Variants in CD160 observed in about 807,000 individuals in gnomAD.
The protein encoded by CD160 is CD160 molecule.
A neutral mutation model predicts 19.2 loss-of-function variants in CD160; 11 were observed. The ratio of observed to expected loss-of-function variants is 0.57; its 90% CI spans 0.36 to 0.95. The LOEUF is 0.95. CD160 is among the 40% of genes least tolerant of loss of function. The pLI, the probability that CD160 is intolerant of heterozygous loss-of-function variation, is 0.01. For missense variants in CD160, 182 were observed against 213.2 expected, an observed-to-expected ratio of 0.85 and a Z score of 0.91; for synonymous variants, 75 against 81.1, an observed-to-expected ratio of 0.93 and a Z score of 0.40.
intron 4 of CD160, among the ~76,000 whole-genome samples, chr1:145,731,621 G>A (rs1036884818): frequency 1.3e-5 from 2 of 152,180 alleles, no homozygotes; most frequent in Non-Finnish European, 2.9e-5. Flanking sequence ...AGTGAGCCGA[G>A]ATTGTGCCAT....
chr1:145,729,283 G>A (rs1029399120), intron 3 of CD160, among the ~76,000 whole-genome samples: 1 of 152,052 alleles, frequency 6.6e-6, no homozygotes, highest in Non-Finnish European at 1.5e-5. Context: ...CCTCTTCACC[G>A]TTTTCATGAG....
In CD160 at chr1:145,730,941, A is replaced by G. The variant is rs2231373; in HGVS notation, c.271A>G (p.Ile91Val). 142 of 1,614,088 alleles carry G rather than the reference A, an allele frequency of 8.8e-5. No individual in the cohort carries two copies. In the African/African-American group the frequency reaches 1.6e-3, roughly 18 times the overall value. Residue 91 changes from isoleucine (I) to valine (V), a missense_variant, in exon 4 of 6, where the codon ATA (isoleucine) becomes GTA (valine). Physicochemically the swap from Ile to Val is conservative, Grantham distance 29. Coordinates refer to ENST00000369288, the MANE Select transcript of CD160 (RefSeq NM_007053.4). ...TCCTGGGATAGATGGTGTTGGTGAA[A>G]TATCATCTCAGTTGATGTTCACCAT... ...RDPGIDGVGE[I>V]SSQLMFTISQ... is the part of the protein sequence containing the mutation.
chr1:145,720,292 C>A (rs1238552098), intron 1 of CD160, among the ~76,000 whole-genome samples: 1 of 152,152 alleles, frequency 6.6e-6, no homozygotes, highest in African/African-American at 2.4e-5. Flanking sequence ...ATAATTTGTT[C>A]CCTTTATTAT....
At chr1:145,731,169 C>T (rs1174670086) in intron 4 of CD160, 99 bp downstream of exon 4, 2 of 895,188 alleles carry the variant, frequency 2.2e-6, no homozygotes, top group Admixed American at 4.4e-5. Context: ...AAGGCAGTTT[C>T]CTTCTTCCTC....
chr1:145,730,602 A>T (rs1657248298), intron 3 of CD160, 142 bp from the exon 4 acceptor site: 1 of 651,136 alleles, frequency 1.5e-6, no homozygotes, highest in Non-Finnish European at 2.6e-6. Context: ...ATAGAGCTGG[A>T]ATTTGTATTT....
chr1:145,724,018 T>TA (rs1316646814), intron 1 of CD160, among the ~76,000 whole-genome samples: 1 of 152,194 alleles, frequency 6.6e-6, no homozygotes, highest in Non-Finnish European at 1.5e-5. Context: ...TGTTAATATA[T>TA]AATGAGTATT....
chr1:145,733,860 AGCATCTCCC>A (rs1161791203), intron 4 of CD160, among the ~76,000 whole-genome samples: 1 of 152,160 alleles, frequency 6.6e-6, no homozygotes, highest in African/African-American at 2.4e-5. Context: ...GATTTAAACC[AGCATCTCCC>A]TGCAACTGAC....
intron 2 of CD160, among the ~76,000 whole-genome samples, chr1:145,726,570 G>A (rs782266391): frequency 1.3e-5 from 2 of 152,130 alleles, no homozygotes; most frequent in Non-Finnish European, 2.9e-5. Flanking sequence ...ATCACACACC[G>A]ATGACGTTCC....
intron 3 of CD160, among the ~76,000 whole-genome samples, chr1:145,730,416 C>T (rs1352064520): frequency 6.6e-6 from 1 of 152,152 alleles, no homozygotes; most frequent in Non-Finnish European, 1.5e-5. Context: ...CCTCATAGCC[C>T]CAGCAGGGCT....
intron 3 of CD160, among the ~76,000 whole-genome samples, chr1:145,729,954 C>T (rs1657219148): frequency 6.6e-6 from 1 of 152,210 alleles, no homozygotes; most frequent in African/African-American, 2.4e-5. Context: ...TCAGGAATCT[C>T]TAAGATTCCT....
intron 4 of CD160, 65 bp downstream of exon 4, chr1:145,731,135 T>C: frequency 7.8e-7 from 1 of 1,289,654 alleles, no homozygotes; most frequent in East Asian, 2.3e-5. Context: ...AGTGGAGATG[T>C]AACCAGATAG....
chr1:145,736,231 T>C, intron 5 of CD160, 97 bp downstream of exon 5: 4 of 1,585,776 alleles, frequency 2.5e-6, no homozygotes, highest in Non-Finnish European at 3.4e-6. Context: ...TTGGAAAGGA[T>C]GTCCAGGGGG....
intron 1 of CD160, among the ~76,000 whole-genome samples, chr1:145,722,842 C>T (rs1656907555): frequency 6.6e-6 from 1 of 152,166 alleles, no homozygotes; most frequent in Non-Finnish European, 1.5e-5. Flanking sequence ...GATCTGCCCA[C>T]CTCGGCCTCC....
intron 3 of CD160, among the ~76,000 whole-genome samples, chr1:145,729,574 G>T (rs1416291410): frequency 6.6e-6 from 1 of 152,198 alleles, no homozygotes; most frequent in Non-Finnish European, 1.5e-5. Context: ...AGGAGAGTGA[G>T]GGGCAGTACA....
chr1:145,733,000 C>T (rs1212760857), intron 4 of CD160, among the ~76,000 whole-genome samples: 1 of 152,160 alleles, frequency 6.6e-6, no homozygotes, highest in Non-Finnish European at 1.5e-5. Context: ...TATAATAAGA[C>T]ATCTCGAAGA....
intron 1 of CD160, among the ~76,000 whole-genome samples, chr1:145,720,070 G>A (rs1456638816): frequency 1.3e-5 from 2 of 152,256 alleles, no homozygotes; most frequent in Non-Finnish European, 2.9e-5. Flanking sequence ...CTTCAGTTAT[G>A]AATGTAGACA....
At chr1:145,737,792 T>C (rs1657554581) in intron 5 of CD160, 1 of 151,434 alleles carries the variant, frequency 6.6e-6, no homozygotes, top group Admixed American at 6.6e-5. Context: ...CTTTTTTTCC[T>C]TTTCCACTCA....
intron 3 of CD160, among the ~76,000 whole-genome samples, chr1:145,728,795 AAAG>A (rs1657166054): frequency 2.0e-5 from 3 of 152,114 alleles, no homozygotes; most frequent in Non-Finnish European, 4.4e-5. Flanking sequence ...AGGAAAGGGT[AAAG>A]AATATATTGT....
chr1:145,737,853 A>G (rs587710510), intron 5 of CD160: 1 of 152,052 alleles, frequency 6.6e-6, no homozygotes, highest in East Asian at 1.9e-4. Context: ...TCCTATATTC[A>G]ATTCAAGTAG....
Sources: gnomAD v4.1 joint callset for allele counts (sites outside exome capture counted in the v4.1 genomes callset) on GRCh38, gnomAD v4.1.1 for gene constraint, MANE v1.5 for transcripts, NCBI Gene and HGNC (gene_info 2026-07-23, HGNC 2026-07-21) for gene names.